GRM8: variants seen among roughly 807,000 people sequenced by gnomAD.
GRM8 encodes the protein metabotropic glutamate receptor 8.
Under a neutral mutation model 87.2 loss-of-function variants are expected in GRM8, and 47 were observed. The observed-to-expected ratio is 0.54, with a 90% confidence interval of 0.43 to 0.69. GRM8 has a LOEUF of 0.69. GRM8 is among the 30% of genes least tolerant of loss of function. The pLI is 0.00. For synonymous variants in GRM8, 396 were observed against 404.5 expected (o/e 0.98, Z 0.25); for missense variants, 1,019 against 1,139.2 (o/e 0.89, Z 1.52).
intron 9 of GRM8, among the ~76,000 whole-genome samples, chr7:126,446,583 T>G (rs1257028969): frequency 6.6e-6 from 1 of 152,012 alleles, no homozygotes; most frequent in Non-Finnish European, 1.5e-5. Flanking sequence ...TTGAACCCAA[T>G]TTATTAAAAT....
intron 6 of GRM8, among the ~76,000 whole-genome samples, chr7:126,819,297 C>CAT (rs1554501780): frequency 6.6e-6 from 1 of 151,576 alleles, no homozygotes; most frequent in African/African-American, 2.4e-5. Flanking sequence ...CACACACACA[C>CAT]GTGCACGCGC....
intron 3 of GRM8, among the ~76,000 whole-genome samples, chr7:126,912,768 T>C (rs1156803872): frequency 6.6e-6 from 1 of 152,220 alleles, no homozygotes; most frequent in African/African-American, 2.4e-5. Flanking sequence ...TAATGTATAA[T>C]TGAAATTTAT....
chr7:127,046,187 C>T (rs907500298), intron 3 of GRM8, among the ~76,000 whole-genome samples: 2 of 152,028 alleles, frequency 1.3e-5, no homozygotes, highest in East Asian at 1.9e-4. Flanking sequence ...CTGGCTAACA[C>T]GGTGAAACCC....
At chr7:126,723,721 A>C (rs1028145528) in intron 7 of GRM8, among the ~76,000 whole-genome samples, 2 of 152,188 alleles carry the variant, frequency 1.3e-5, no homozygotes, top group African/African-American at 4.8e-5. Flanking sequence ...GAGAACTTTG[A>C]AACTCCAAGA....
intron 3 of GRM8, among the ~76,000 whole-genome samples, chr7:127,079,590 A>C (rs1481984723): frequency 1.3e-5 from 2 of 152,196 alleles, no homozygotes; most frequent in African/African-American, 2.4e-5. Flanking sequence ...GCCAAAGTTC[A>C]TGCCAGCCGA....
chr7:126,850,738 C>A (rs1797134516), intron 6 of GRM8, among the ~76,000 whole-genome samples: 1 of 152,162 alleles, frequency 6.6e-6, no homozygotes, highest in South Asian at 2.1e-4. Context: ...GATAGTTGAT[C>A]TTCTTTAAAA....
rs554723684 is a variant in GRM8, at chr7:126,768,168, A to C, written c.1357+1697T>G. Among the ~76,000 whole-genome samples, 73 of 152,044 alleles carry C rather than the reference A, an allele frequency of 4.8e-4. 1 individual carries two copies. The South Asian group carries it at 0.014, about 30-fold the overall frequency. On this transcript the variant is annotated intron_variant, in intron 7 of 10. Transcript: ENST00000339582. ...CCACTATTATAAACTCTAAATCCAG[A>C]ATATCTCCCTTTTCAGCACTCATTG... is the stretch of plus-strand genomic sequence containing the variant.
At chr7:127,235,502 C>T (rs189914524) in intron 2 of GRM8, among the ~76,000 whole-genome samples, 6 of 152,224 alleles carry the variant, frequency 3.9e-5, no homozygotes, top group South Asian at 2.1e-4. Context: ...TAATAGTATT[C>T]GGATGAGGCT....
chr7:126,490,979 T>G (rs1337568032), intron 9 of GRM8, among the ~76,000 whole-genome samples: 1 of 152,086 alleles, frequency 6.6e-6, no homozygotes, highest in Non-Finnish European at 1.5e-5. Context: ...AACTCCAAAC[T>G]TATACTCTTT....
At chr7:127,177,602 C>A (rs542645360) in intron 2 of GRM8, among the ~76,000 whole-genome samples, 2 of 152,304 alleles carry the variant, frequency 1.3e-5, no homozygotes, top group South Asian at 4.1e-4. Context: ...CCATTGAACA[C>A]CCCTGCCACC....
At chr7:126,798,513 C>G (rs1421182294) in intron 6 of GRM8, among the ~76,000 whole-genome samples, 1 of 152,122 alleles carries the variant, frequency 6.6e-6, no homozygotes, top group African/African-American at 2.4e-5. Context: ...CAGCACATAT[C>G]TGAGATAATG....
At chr7:127,137,910 GTTTCAAT>G (rs1828032497) in intron 2 of GRM8, among the ~76,000 whole-genome samples, 1 of 152,126 alleles carries the variant, frequency 6.6e-6, no homozygotes, top group Non-Finnish European at 1.5e-5. Flanking sequence ...CCATAGGAAA[GTTTCAAT>G]TTAGAGTTTG....
intron 7 of GRM8, among the ~76,000 whole-genome samples, chr7:126,748,268 C>T (rs1163420725): frequency 6.6e-6 from 1 of 151,978 alleles, no homozygotes; most frequent in African/African-American, 2.4e-5. Context: ...CCTAAGGTGT[C>T]TACCAAAAAG....
In GRM8 at chr7:126,654,322, C is replaced by T. The variant is rs571707076; in HGVS notation, c.1358-44824G>A. 9.2e-5 allele frequency among the ~76,000 whole-genome samples: 14 copies of T among 152,316 alleles called. No homozygotes were observed. In the East Asian group the frequency reaches 2.5e-3, roughly 27 times the overall value. On this transcript the variant is annotated intron_variant, in intron 7 of 10. Coordinates refer to ENST00000339582, the MANE Select transcript of GRM8 (RefSeq NM_000845.3). ...CTCTGCTAGTATCCTGCTCTGCAAACTTAACCTCTCTGGGCTTTCATTTCT... is the reference window on the plus strand; with the variant it reads ...CTCTGCTAGTATCCTGCTCTGCAAATTTAACCTCTCTGGGCTTTCATTTCT...
intron 3 of GRM8, among the ~76,000 whole-genome samples, chr7:126,971,072 C>A (rs1033819765): frequency 1.6e-4 from 23 of 144,090 alleles, no homozygotes; most frequent in African/African-American, 5.7e-4. Flanking sequence ...AAATGTGACA[C>A]AGAGATACTA....
chr7:127,003,340 A>G (rs1813913498), intron 3 of GRM8, among the ~76,000 whole-genome samples: 2 of 151,762 alleles, frequency 1.3e-5, no homozygotes, highest in Non-Finnish European at 3.0e-5. Flanking sequence ...CTTAGCTCCT[A>G]GAGAATGGTG....
intron 3 of GRM8, among the ~76,000 whole-genome samples, chr7:126,955,598 G>T (rs1305365567): frequency 1.3e-5 from 2 of 152,144 alleles, no homozygotes; most frequent in Non-Finnish European, 2.9e-5. Context: ...AGGTATTTGA[G>T]GGTGTTCCAT....
At chr7:127,168,560 T>C (rs1261721417) in intron 2 of GRM8, among the ~76,000 whole-genome samples, 1 of 152,130 alleles carries the variant, frequency 6.6e-6, no homozygotes, top group South Asian at 2.1e-4. Context: ...CATGCACACA[T>C]ATGTTTATTG....
Position 127,111,587 on chromosome 7 carries a change from T to C in GRM8, c.511-4875A>G, listed in dbSNP as rs574222778. On this transcript the variant is annotated intron_variant, in intron 2 of 10. Transcript: ENST00000339582. ...CCATTAGCCATCTTAGGCTATGACC[T>C]AGCAATGGTGGAGCAAAAAGCCACA... is the stretch of plus-strand genomic sequence containing the variant. 1.2e-3 allele frequency among the ~76,000 whole-genome samples: 176 copies of C among 152,322 alleles called. 1 individual carries two copies. The highest frequency in any genetic ancestry group is 4.2e-3 in the African/African-American group (175 of 41,580).
Sources: allele counts gnomAD v4.1 joint callset (sites outside exome capture counted in the v4.1 genomes callset), GRCh38; gene constraint gnomAD v4.1.1; transcripts MANE v1.5; gene names NCBI Gene and HGNC (gene_info 2026-07-23, HGNC 2026-07-21).